The following CCSER1 variants were observed in gnomAD, a reference collection of about 807,000 sequenced individuals.
The protein encoded by CCSER1 is serine-rich coiled-coil domain-containing protein 1.
Under a neutral mutation model 82.0 loss-of-function variants are expected in CCSER1, and 41 were observed. The observed-to-expected ratio is 0.50, with a 90% CI of 0.39 to 0.65. CCSER1 has a LOEUF of 0.65. CCSER1 is among the 30% of genes least tolerant of loss of function. CCSER1 has a pLI of 0.00. For synonymous variants in CCSER1, 414 were observed against 383.9 expected (o/e 1.08, Z -0.92); for missense variants, 1,119 against 1,064.2 (o/e 1.05, Z -0.72).
intron 9 of CCSER1, among the ~76,000 whole-genome samples, chr4:90,924,161 A>T (rs569201345): frequency 6.6e-6 from 1 of 152,322 alleles, no homozygotes; most frequent in South Asian, 2.1e-4. Context: ...CTTGTAGCTA[A>T]CATGTATGAG....
chr4:91,184,997 T>C (rs1479579753), intron 10 of CCSER1, among the ~76,000 whole-genome samples: 4 of 152,220 alleles, frequency 2.6e-5, no homozygotes, highest in Non-Finnish European at 5.9e-5. Context: ...TTTGATATAC[T>C]TCAGGGCCTT....
chr4:90,630,928 C>G (rs561500326), intron 6 of CCSER1, among the ~76,000 whole-genome samples: 105 of 150,472 alleles, frequency 7.0e-4, no homozygotes, highest in Non-Finnish European at 1.3e-3. Flanking sequence ...GAGTCTCGCT[C>G]TGTCACCCAG....
At chr4:90,228,591 A>C (rs1389409563) in intron 1 of CCSER1, among the ~76,000 whole-genome samples, 1 of 152,228 alleles carries the variant, frequency 6.6e-6, no homozygotes, top group African/African-American at 2.4e-5. Flanking sequence ...AACATAATTC[A>C]TCACCAGCAA....
intron 9 of CCSER1, among the ~76,000 whole-genome samples, chr4:90,978,213 A>G (rs1735785663): frequency 6.6e-6 from 1 of 151,694 alleles, no homozygotes; most frequent in African/African-American, 2.4e-5. Context: ...CTACCTTGAT[A>G]TATTCAAATG....
chr4:91,252,163 G>A (rs894229225), intron 10 of CCSER1, among the ~76,000 whole-genome samples: 2 of 152,086 alleles, frequency 1.3e-5, no homozygotes, highest in African/African-American at 4.8e-5. Context: ...ACAGAGGACA[G>A]TGGGCCAATA....
chr4:90,585,636 T>C (rs1781916264), intron 5 of CCSER1, among the ~76,000 whole-genome samples: 1 of 152,176 alleles, frequency 6.6e-6, no homozygotes, highest in Non-Finnish European at 1.5e-5. Flanking sequence ...ATATAGAATT[T>C]TGTTACTAGG....
intron 8 of CCSER1, among the ~76,000 whole-genome samples, chr4:90,830,797 A>G (rs1238016250): frequency 3.3e-5 from 5 of 152,138 alleles, no homozygotes; most frequent in African/African-American, 4.8e-5. Flanking sequence ...TCCTTGGACT[A>G]TGAACAAACA....
chr4:90,938,922 A>C (rs1352763248), intron 9 of CCSER1: 1 of 161,334 alleles, frequency 6.2e-6, no homozygotes, highest in African/African-American at 2.4e-5. Flanking sequence ...AGATTCAACT[A>C]ACATATTTCT....
chr4:90,397,744 A>T lies in CCSER1; in HGVS notation c.1510-2292A>T, dbSNP rs192300210. On this transcript the variant is annotated intron_variant, in intron 3 of 10. Transcript: ENST00000509176. ...GAGAAGGAGTTTGGCTCATATAAGA[A>T]TCTGGTAGCTCCCTTTATAGCTAGA... Among the ~76,000 whole-genome samples, 7 of 152,290 alleles carry T rather than the reference A, an allele frequency of 4.6e-5. No individual in the cohort carries two copies. The East Asian group carries it at 1.4e-3, about 29-fold the overall frequency.
intron 7 of CCSER1, among the ~76,000 whole-genome samples, chr4:90,801,990 G>A (rs758766155): frequency 3.3e-5 from 5 of 151,786 alleles, no homozygotes; most frequent in Admixed American, 6.6e-5. Context: ...GAGGCCAAGC[G>A]GGGTGGATCA....
intron 5 of CCSER1, among the ~76,000 whole-genome samples, chr4:90,493,167 A>T (rs1223317482): frequency 6.6e-6 from 1 of 152,218 alleles, no homozygotes; most frequent in Non-Finnish European, 1.5e-5. Flanking sequence ...GGTATCAGTG[A>T]TTGAAGATCA....
At chr4:91,531,059 C>A (rs527868366) in intron 10 of CCSER1, among the ~76,000 whole-genome samples, 19 of 152,130 alleles carry the variant, frequency 1.2e-4, no homozygotes, top group African/African-American at 4.6e-4. Flanking sequence ...GTACTAGGTA[C>A]TTTATGAGGC....
chr4:90,155,363 G>A (rs1252251110), intron 1 of CCSER1, among the ~76,000 whole-genome samples: 5 of 151,886 alleles, frequency 3.3e-5, no homozygotes, highest in South Asian at 2.1e-4. Context: ...GTCTCTGCCC[G>A]GCTTTGCTAT....
chr4:90,919,297 G>A (rs565259483), intron 8 of CCSER1, among the ~76,000 whole-genome samples: 2 of 151,918 alleles, frequency 1.3e-5, no homozygotes, highest in South Asian at 4.1e-4. Context: ...TAGTATCTTT[G>A]CAGAGATACT....
At chr4:91,196,609 A>G (rs1197460964) in intron 10 of CCSER1, among the ~76,000 whole-genome samples, 1 of 152,234 alleles carries the variant, frequency 6.6e-6, no homozygotes, top group African/African-American at 2.4e-5. Context: ...TTTATAAATT[A>G]CTACAAGAAA....
At chr4:90,566,018 C>T (rs1407521965) in intron 5 of CCSER1, among the ~76,000 whole-genome samples, 2 of 151,272 alleles carry the variant, frequency 1.3e-5, no homozygotes, top group South Asian at 2.1e-4. Context: ...CCACCACGGC[C>T]AGCTAATTTT....
At chr4:90,583,991 T>G (rs2148653667) in intron 5 of CCSER1, among the ~76,000 whole-genome samples, 1 of 152,282 alleles carries the variant, frequency 6.6e-6, no homozygotes, top group African/African-American at 2.4e-5. Flanking sequence ...GTATCAAGAT[T>G]ATAATTGTGC....
At chr4:91,382,312 C>T (rs1307251521) in intron 10 of CCSER1, among the ~76,000 whole-genome samples, 1 of 152,196 alleles carries the variant, frequency 6.6e-6, no homozygotes, top group African/African-American at 2.4e-5. Flanking sequence ...TGGGTAGAGT[C>T]TACAGAGGCA....
chr4:90,669,323 G>A (rs919544614), intron 6 of CCSER1, among the ~76,000 whole-genome samples: 2 of 151,904 alleles, frequency 1.3e-5, no homozygotes, highest in Non-Finnish European at 1.5e-5. Context: ...AAAATCTAGA[G>A]CTATGAGACA....
Sources: allele counts gnomAD v4.1 joint callset (sites outside exome capture counted in the v4.1 genomes callset), GRCh38; gene constraint gnomAD v4.1.1; transcripts MANE v1.5; gene names NCBI Gene and HGNC (gene_info 2026-07-23, HGNC 2026-07-21).